Variants in NLGN1 observed in about 807,000 individuals in gnomAD.
NLGN1 encodes neuroligin-1.
NLGN1 carries 12 observed loss-of-function variants against 65.5 expected under a neutral mutation model. The observed-to-expected ratio is 0.18, with a 90% CI of 0.12 to 0.30. NLGN1 has a LOEUF of 0.30. NLGN1 is among the 10% of genes least tolerant of loss of function. The pLI is 1.00. For missense variants in NLGN1, 750 were observed against 1,007.1 expected, an observed-to-expected ratio of 0.74 and a Z score of 3.46; for synonymous variants, 350 against 359.5, an observed-to-expected ratio of 0.97 and a Z score of 0.30.
intron 3 of NLGN1, among the ~76,000 whole-genome samples, chr3:173,773,877 G>T (rs960469394): frequency 6.6e-6 from 1 of 152,210 alleles, no homozygotes; most frequent in Non-Finnish European, 1.5e-5. Context: ...AGGAGAAAAA[G>T]CTTCTCTAAA....
At chr3:173,666,996 A>T (rs1577841735) in intron 3 of NLGN1, among the ~76,000 whole-genome samples, 1 of 152,328 alleles carries the variant, frequency 6.6e-6, no homozygotes, top group Middle Eastern at 3.4e-3. Flanking sequence ...CTTGGACATA[A>T]AATATAAAAA....
At chr3:174,060,696 C>T (rs1227755548) in intron 4 of NLGN1, among the ~76,000 whole-genome samples, 1 of 152,050 alleles carries the variant, frequency 6.6e-6, no homozygotes, top group Non-Finnish European at 1.5e-5. Context: ...CTTTTCACAT[C>T]CTCAACTTAT....
intron 4 of NLGN1, among the ~76,000 whole-genome samples, chr3:174,169,199 G>A (rs1488311563): frequency 6.6e-6 from 1 of 152,060 alleles, no homozygotes; most frequent in East Asian, 1.9e-4. Flanking sequence ...TAGCAGAGAG[G>A]GTACTCCTGC....
At chr3:174,059,820 C>T (rs576422081) in intron 4 of NLGN1, among the ~76,000 whole-genome samples, 17 of 152,210 alleles carry the variant, frequency 1.1e-4, no homozygotes, top group South Asian at 2.1e-4. Context: ...TGAATTTATA[C>T]GGCTAGCAAG....
chr3:173,660,291 G>A (rs1760743431), intron 3 of NLGN1, among the ~76,000 whole-genome samples: 1 of 151,736 alleles, frequency 6.6e-6, no homozygotes, highest in African/African-American at 2.4e-5. Context: ...AGTTATCACA[G>A]CTATTGGTAG....
chr3:173,863,215 TA>T (rs775297506), intron 4 of NLGN1, among the ~76,000 whole-genome samples: 4 of 152,110 alleles, frequency 2.6e-5, no homozygotes, highest in Admixed American at 2.0e-4. Context: ...TAAAAAGCTA[TA>T]AAAAATTAAT....
chr3:174,232,338 G>T (rs1317834689), intron 4 of NLGN1, among the ~76,000 whole-genome samples: 1 of 152,144 alleles, frequency 6.6e-6, no homozygotes, highest in Admixed American at 6.5e-5. Flanking sequence ...CACTTCTTTT[G>T]TGGTGGAATG....
chr3:173,518,521 AGTATGT>A (rs1734233484), intron 2 of NLGN1, among the ~76,000 whole-genome samples: 2 of 148,610 alleles, frequency 1.3e-5, no homozygotes, highest in Admixed American at 1.3e-4. Context: ...TATATATATG[AGTATGT>A]GTATGTGTGT....
At chr3:173,755,462 G>A (rs768484936) in intron 3 of NLGN1, among the ~76,000 whole-genome samples, 3 of 151,968 alleles carry the variant, frequency 2.0e-5, no homozygotes, top group Non-Finnish European at 4.4e-5. Flanking sequence ...TAAAATAATT[G>A]CCTATTTCAC....
At chr3:173,894,487 C>T (rs1256116132) in intron 4 of NLGN1, among the ~76,000 whole-genome samples, 1 of 152,036 alleles carries the variant, frequency 6.6e-6, no homozygotes, top group South Asian at 2.1e-4. Flanking sequence ...TCTTGCTTTT[C>T]TTTGATATTT....
chr3:174,089,209 A>T (rs1342526251), intron 4 of NLGN1, among the ~76,000 whole-genome samples: 1 of 152,220 alleles, frequency 6.6e-6, no homozygotes, highest in Non-Finnish European at 1.5e-5. Context: ...ATCAGCATTC[A>T]TTCACTTCAG....
intron 4 of NLGN1, among the ~76,000 whole-genome samples, chr3:174,090,300 G>A (rs919291220): frequency 2.6e-5 from 4 of 151,756 alleles, no homozygotes; most frequent in African/African-American, 7.3e-5. Context: ...ATGAAATCTC[G>A]TCTCTATTAA....
chr3:174,165,743 A>C (rs1366685651), intron 4 of NLGN1, among the ~76,000 whole-genome samples: 1 of 152,024 alleles, frequency 6.6e-6, no homozygotes, highest in Non-Finnish European at 1.5e-5. Context: ...TCTACTCCTC[A>C]AGTTTCTGAA....
chr3:173,968,768 A>T (rs1579476715), intron 4 of NLGN1, among the ~76,000 whole-genome samples: 2 of 128,906 alleles, frequency 1.6e-5, no homozygotes, highest in Admixed American at 1.0e-4. Flanking sequence ...GCGCAATCTC[A>T]GCTCACTGCA....
At chr3:174,265,227 T>G (rs991798736) in intron 4 of NLGN1, among the ~76,000 whole-genome samples, 8 of 151,726 alleles carry the variant, frequency 5.3e-5, no homozygotes, top group Non-Finnish European at 8.8e-5. Flanking sequence ...GCTTCCCAGC[T>G]GCTTTGTTTA....
At chr3:174,118,094 CTTA>C (rs776100548) in intron 4 of NLGN1, among the ~76,000 whole-genome samples, 8 of 152,122 alleles carry the variant, frequency 5.3e-5, no homozygotes, top group Non-Finnish European at 1.0e-4. Context: ...ATTTTTCTCT[CTTA>C]TTTTTATTTT....
chr3:173,498,010 A>C (rs1198058896), intron 2 of NLGN1, among the ~76,000 whole-genome samples: 2 of 151,600 alleles, frequency 1.3e-5, no homozygotes, highest in Non-Finnish European at 2.9e-5. Flanking sequence ...TCAAATTTGT[A>C]TTTGGATGGT....
intron 2 of NLGN1, among the ~76,000 whole-genome samples, chr3:173,479,000 C>A (rs1726783798): frequency 6.6e-6 from 1 of 152,032 alleles, no homozygotes; most frequent in South Asian, 2.1e-4. Context: ...GGGTTGATAT[C>A]AGTTGAAGAA....
At chr3:174,017,647 G>T (rs1439818864) in intron 4 of NLGN1, among the ~76,000 whole-genome samples, 1 of 152,098 alleles carries the variant, frequency 6.6e-6, no homozygotes, top group Non-Finnish European at 1.5e-5. Context: ...GTTTCCGGGG[G>T]AGACATCACA....
Sources: allele counts gnomAD v4.1 joint callset (sites outside exome capture counted in the v4.1 genomes callset), GRCh38; gene constraint gnomAD v4.1.1; transcripts MANE v1.5; gene names NCBI Gene and HGNC (gene_info 2026-07-23, HGNC 2026-07-21).